GRIK1: variants seen among roughly 807,000 people sequenced by gnomAD.
GRIK1 encodes glutamate ionotropic receptor kainate type subunit 1, also known as glutamate receptor ionotropic, kainate 1.
A neutral mutation model predicts 105.7 loss-of-function variants in GRIK1; 69 were observed. The observed-to-expected ratio is 0.65, with a 90% CI of 0.54 to 0.80. The LOEUF is 0.80. GRIK1 is among the 30% of genes least tolerant of loss of function. The pLI is 0.00. For missense variants in GRIK1, 1,109 were observed against 1,167.3 expected, an observed-to-expected ratio of 0.95 and a Z score of 0.73; for synonymous variants, 438 against 431.3, an observed-to-expected ratio of 1.02 and a Z score of -0.19.
chr21:29,875,648 C>T (rs2069166309), intron 1 of GRIK1, among the ~76,000 whole-genome samples: 3 of 152,052 alleles, frequency 2.0e-5, no homozygotes, highest in African/African-American at 7.2e-5. Context: ...ATGTAGAGCC[C>T]ACCATGACCC....
intron 1 of GRIK1, among the ~76,000 whole-genome samples, chr21:29,808,414 C>T (rs1284529025): frequency 1.3e-5 from 2 of 152,166 alleles, no homozygotes; most frequent in Non-Finnish European, 2.9e-5. Context: ...TGAATACATA[C>T]CAACTGGCAT....
At chr21:29,637,191 C>A (rs1283741830) in intron 7 of GRIK1, among the ~76,000 whole-genome samples, 5 of 152,182 alleles carry the variant, frequency 3.3e-5, no homozygotes, top group Non-Finnish European at 5.9e-5. Flanking sequence ...TAACTAAGGA[C>A]AACTGATGTA....
At chr21:29,656,439 C>T (rs2062856642) in intron 4 of GRIK1, among the ~76,000 whole-genome samples, 1 of 145,452 alleles carries the variant, frequency 6.9e-6, no homozygotes, top group African/African-American at 2.6e-5. Context: ...TAGTTTTCCG[C>T]ACAACTCTGG....
intron 1 of GRIK1, among the ~76,000 whole-genome samples, chr21:29,834,481 C>T (rs1424072898): frequency 1.3e-5 from 2 of 151,098 alleles, no homozygotes; most frequent in East Asian, 1.9e-4. Context: ...CTTCCTTCAC[C>T]CCCCACTTTG....
intron 14 of GRIK1, among the ~76,000 whole-genome samples, chr21:29,573,296 G>A (rs2090800329): frequency 1.3e-5 from 2 of 152,166 alleles, no homozygotes; most frequent in Admixed American, 1.3e-4. Context: ...AAATGCTCAG[G>A]GAGCAGCAGT....
At chr21:29,660,642 A>C (rs1439940189) in intron 4 of GRIK1, among the ~76,000 whole-genome samples, 1 of 152,302 alleles carries the variant, frequency 6.6e-6, no homozygotes, top group Non-Finnish European at 1.5e-5. Context: ...AGCAACTTTG[A>C]GGTGTTCTTG....
intron 7 of GRIK1, among the ~76,000 whole-genome samples, chr21:29,641,195 C>A (rs1290984967): frequency 1.3e-5 from 2 of 152,018 alleles, no homozygotes; most frequent in African/African-American, 4.8e-5. Context: ...TTTGGTGTGT[C>A]CCCACCCAAA....
chr21:29,631,994 A>G (rs2062285622), intron 7 of GRIK1, among the ~76,000 whole-genome samples: 1 of 151,860 alleles, frequency 6.6e-6, no homozygotes, highest in Non-Finnish European at 1.5e-5. Context: ...GAAAAAAAAA[A>G]GAGGCAGCCA....
intron 10 of GRIK1, 50 bp downstream of exon 10, chr21:29,591,062 T>G (rs2061325840): frequency 3.0e-6 from 3 of 993,008 alleles, no homozygotes; most frequent in Non-Finnish European, 4.9e-6. Flanking sequence ...CTTCGAAGTC[T>G]AAGGCAGGAG....
At chr21:29,789,858 G>A (rs535051993) in intron 1 of GRIK1, among the ~76,000 whole-genome samples, 37 of 152,194 alleles carry the variant, frequency 2.4e-4, no homozygotes, top group African/African-American at 8.2e-4. Context: ...GTTTATTTCC[G>A]TGTTGTGAAC....
At chr21:29,774,521 G>A (rs432440) in intron 1 of GRIK1, among the ~76,000 whole-genome samples, 1 of 146,520 alleles carries the variant, frequency 6.8e-6, no homozygotes, top group Non-Finnish European at 1.5e-5. Flanking sequence ...GCACGATCTC[G>A]GCTCACTGCA....
At chr21:29,837,215 G>T (rs1325934817) in intron 1 of GRIK1, among the ~76,000 whole-genome samples, 1 of 152,180 alleles carries the variant, frequency 6.6e-6, no homozygotes, top group East Asian at 1.9e-4. Context: ...CCTACAAGGA[G>T]AGTTGTTAGA....
intron 14 of GRIK1, among the ~76,000 whole-genome samples, chr21:29,575,902 C>A (rs1334659723): frequency 6.6e-6 from 1 of 152,118 alleles, no homozygotes; most frequent in Non-Finnish European, 1.5e-5. Context: ...CCCAAACAGT[C>A]CACTCAATGC....
At chr21:29,614,794 C>G (rs1399446115) in intron 7 of GRIK1, among the ~76,000 whole-genome samples, 3 of 151,488 alleles carry the variant, frequency 2.0e-5, no homozygotes. Context: ...GCCCCAATAG[C>G]TACTACACAT....
chr21:29,617,030 A>G (rs1266965203), intron 7 of GRIK1, among the ~76,000 whole-genome samples: 2 of 152,248 alleles, frequency 1.3e-5, no homozygotes, highest in East Asian at 1.9e-4. Flanking sequence ...ATCATTGTAT[A>G]AAACATTTTA....
chr21:29,692,264 C>T (rs1236483937), intron 2 of GRIK1, among the ~76,000 whole-genome samples: 1 of 152,134 alleles, frequency 6.6e-6, no homozygotes, highest in African/African-American at 2.4e-5. Flanking sequence ...AGTTCCATTG[C>T]TAAATGTGGT....
chr21:29,830,917 T>A (rs1021621316), intron 1 of GRIK1, among the ~76,000 whole-genome samples: 1 of 152,154 alleles, frequency 6.6e-6, no homozygotes, highest in Non-Finnish European at 1.5e-5. Flanking sequence ...TGATATTAAT[T>A]TGAAGCTAAA....
At chr21:29,810,810 A>G (rs1279665787) in intron 1 of GRIK1, among the ~76,000 whole-genome samples, 1 of 152,110 alleles carries the variant, frequency 6.6e-6, no homozygotes, top group East Asian at 1.9e-4. Context: ...TGAAATGTTC[A>G]TCAAGCATCT....
intron 1 of GRIK1, among the ~76,000 whole-genome samples, chr21:29,932,667 G>T (rs973505445): frequency 1.3e-5 from 2 of 151,910 alleles, no homozygotes; most frequent in African/African-American, 4.8e-5. Context: ...GATACAACTT[G>T]ATCTCAGTAG....
Sources: gnomAD v4.1 joint callset for allele counts (sites outside exome capture counted in the v4.1 genomes callset) on GRCh38, gnomAD v4.1.1 for gene constraint, MANE v1.5 for transcripts, NCBI Gene and HGNC (gene_info 2026-07-23, HGNC 2026-07-21) for gene names.